The following MAP3K7 variants were observed in gnomAD, a reference collection of about 807,000 sequenced individuals.
MAP3K7 encodes mitogen-activated protein kinase kinase kinase 7.
Under a neutral mutation model 84.8 loss-of-function variants are expected in MAP3K7, and 21 were observed. The observed-to-expected ratio is 0.25, with a 90% CI of 0.18 to 0.36. The LOEUF (loss-of-function observed/expected upper bound fraction) is 0.36. Among genes scored for constraint, MAP3K7 ranks in the 10% least tolerant of loss-of-function variants. The pLI, the probability that MAP3K7 is intolerant of heterozygous loss-of-function variation, is 1.00. For synonymous variants in MAP3K7, 241 were observed against 247.7 expected (o/e 0.97, Z 0.25); for missense variants, 503 against 747.7 (o/e 0.67, Z 3.82).
At chr6:90,565,305 T>C (rs559814353) in intron 3 of MAP3K7, among the ~76,000 whole-genome samples, 2 of 151,922 alleles carry the variant, frequency 1.3e-5, no homozygotes, top group East Asian at 1.9e-4. Flanking sequence ...GCAAAACTGA[T>C]AGACCACTAG....
chr6:90,552,104 G>A lies in MAP3K7; in HGVS notation c.812C>T (p.Pro271Leu). 1 of 1,613,020 alleles carries A rather than the reference G, an allele frequency of 6.2e-7. No individual in the cohort carries two copies. The highest frequency in any genetic ancestry group is 8.5e-7 in the Non-Finnish European group (1 of 1,179,222). ...TTCCTCCATTGAAGGGCGCTGGGAA[G>A]GATCTTTAGACCAACAACGAGTCAT... The part of the protein sequence containing the change: ...SLMTRCWSKD[P>L]SQRPSMEEIV... The change falls in exon 8 of 17, where the codon CCT becomes CTT. Residue 271 changes from proline (P) to leucine (L), a missense_variant. Physicochemically the swap from Pro to Leu is moderately conservative, Grantham distance 98. This residue lies in a region of MAP3K7 where 286 missense variants were observed against 313.6 expected (regional missense o/e 0.91). Coordinates refer to ENST00000369329, the MANE Select transcript of MAP3K7 (RefSeq NM_145331.3).
chr6:90,582,399 A>G (rs1333209079), intron 1 of MAP3K7, among the ~76,000 whole-genome samples: 1 of 152,220 alleles, frequency 6.6e-6, no homozygotes, highest in Non-Finnish European at 1.5e-5. Context: ...GGTTCTAGGC[A>G]TTGGGGTTAC....
intron 14 of MAP3K7, among the ~76,000 whole-genome samples, chr6:90,522,623 C>CAG (rs1775189282): frequency 6.6e-6 from 1 of 152,074 alleles, no homozygotes; most frequent in Non-Finnish European, 1.5e-5. Context: ...AGGGGTGAAA[C>CAG]AGGAGTTTTT....
At chr6:90,519,399 CT>C (rs1479088192) in intron 14 of MAP3K7, 80 bp from the exon 15 acceptor site, 15 of 856,630 alleles carry the variant, frequency 1.8e-5, no homozygotes, top group Middle Eastern at 2.9e-4. Context: ...GAATGAAATG[CT>C]TTTTTTCCCT....
chr6:90,517,942 A>G (rs1175213178), intron 16 of MAP3K7, among the ~76,000 whole-genome samples: 2 of 151,754 alleles, frequency 1.3e-5, no homozygotes, highest in Non-Finnish European at 3.0e-5. Flanking sequence ...AGATACATAC[A>G]TATTTAAGAA....
At chr6:90,519,139 A>C (rs766244618) in intron 15 of MAP3K7, 119 bp downstream of exon 15, 4 of 644,656 alleles carry the variant, frequency 6.2e-6, no homozygotes, top group Non-Finnish European at 1.1e-5. Flanking sequence ...AAGTTTAAGG[A>C]GGCCAACTAA....
At chr6:90,581,044 C>T (rs911697257) in intron 1 of MAP3K7, among the ~76,000 whole-genome samples, 2 of 151,980 alleles carry the variant, frequency 1.3e-5, no homozygotes, top group Admixed American at 6.6e-5. Context: ...TTCCATGCAA[C>T]TACTATTGAA....
chr6:90,577,801 A>C (rs1346438365), intron 1 of MAP3K7, among the ~76,000 whole-genome samples: 1 of 152,266 alleles, frequency 6.6e-6, no homozygotes, highest in Non-Finnish European at 1.5e-5. Context: ...TCTGACGGTA[A>C]GGCCAAGCAA....
intron 1 of MAP3K7, among the ~76,000 whole-genome samples, chr6:90,581,169 G>C (rs1777257885): frequency 6.6e-6 from 1 of 152,192 alleles, no homozygotes. Context: ...GACAAGTCAT[G>C]TTAAAGAAAA....
intron 8 of MAP3K7, chr6:90,550,879 T>A (rs1340004566): frequency 5.4e-6 from 1 of 185,102 alleles, no homozygotes; most frequent in Admixed American, 5.5e-5. Context: ...TTCCAGTGAC[T>A]GTTAGTCTGA....
intron 1 of MAP3K7, among the ~76,000 whole-genome samples, chr6:90,585,618 C>CTTTTTTTTTTTTTTT (rs1562116546): frequency 6.7e-5 from 10 of 150,344 alleles, no homozygotes; most frequent in African/African-American, 2.3e-4. Context: ...GCAGTTTTTA[C>CTTTTTTTTTTTTTTT]TTTTCTAAAT....
chr6:90,521,103 G>A (rs915068319), intron 14 of MAP3K7, among the ~76,000 whole-genome samples: 4 of 151,876 alleles, frequency 2.6e-5, no homozygotes, highest in African/African-American at 9.7e-5. Context: ...TTGTATGGTG[G>A]GGAACTTAAG....
At chr6:90,564,244 A>G (rs866823443) in intron 3 of MAP3K7, among the ~76,000 whole-genome samples, 48 of 152,346 alleles carry the variant, frequency 3.2e-4, no homozygotes, top group Middle Eastern at 6.8e-3. Flanking sequence ...TAAATGGGCT[A>G]AATGCTCCAA....
chr6:90,548,779 T>C (rs751774561), intron 9 of MAP3K7, among the ~76,000 whole-genome samples: 2 of 148,620 alleles, frequency 1.3e-5, no homozygotes, highest in Non-Finnish European at 3.0e-5. Flanking sequence ...AGATGTAAGA[T>C]GGAATCTAGG....
intron 8 of MAP3K7, chr6:90,551,215 T>A (rs1456957554): frequency 6.6e-6 from 1 of 152,146 alleles, no homozygotes; most frequent in Non-Finnish European, 1.5e-5. Flanking sequence ...AAACTTTTAG[T>A]AGATTAGTTC....
intron 12 of MAP3K7, among the ~76,000 whole-genome samples, chr6:90,543,106 T>G (rs1399847071): frequency 6.6e-6 from 1 of 152,100 alleles, no homozygotes; most frequent in African/African-American, 2.4e-5. Flanking sequence ...TAAGTTTAAA[T>G]GCTTCCACCT....
At chr6:90,571,858 G>T in intron 1 of MAP3K7, 51 bp from the exon 2 acceptor site, 1 of 963,930 alleles carries the variant, frequency 1.0e-6, no homozygotes, top group South Asian at 1.6e-5. Context: ...ACAAGAATCG[G>T]AATCAAATAG....
chr6:90,536,489 GTT>G, intron 12 of MAP3K7, 88 bp from the exon 13 acceptor site: 1 of 966,942 alleles, frequency 1.0e-6, no homozygotes, highest in Non-Finnish European at 1.6e-6. Context: ...GTTGGAATTT[GTT>G]GCTCCTTGGA....
At chr6:90,553,419 C>A in intron 7 of MAP3K7, 39 bp downstream of exon 7, 2 of 1,594,550 alleles carry the variant, frequency 1.3e-6, no homozygotes, top group South Asian at 2.3e-5. Flanking sequence ...AAGTAGAAAA[C>A]ACAAAAAGTA....
Sources: allele counts gnomAD v4.1 joint callset (sites outside exome capture counted in the v4.1 genomes callset), GRCh38; gene constraint gnomAD v4.1.1; regional missense constraint gnomAD v4.1.1; transcripts MANE v1.5; gene names NCBI Gene and HGNC (gene_info 2026-07-23, HGNC 2026-07-21).